Variants in DAGLB observed in about 807,000 individuals in gnomAD.
The protein encoded by DAGLB is diacylglycerol lipase beta.
Under a neutral mutation model 72.1 loss-of-function variants are expected in DAGLB, and 66 were observed. That is an observed-to-expected ratio of 0.92 (90% confidence interval 0.75 to 1.12). DAGLB has a LOEUF of 1.12. Ranked by LOEUF, DAGLB falls within the 50% of genes most tolerant of loss-of-function variation. DAGLB has a pLI of 0.00. For synonymous variants in DAGLB, 414 were observed against 359.5 expected, an observed-to-expected ratio of 1.15 and a Z score of -1.71; for missense variants, 1,065 against 884.9, an observed-to-expected ratio of 1.20 and a Z score of -2.58.
At chr7:6,416,220 C>T (rs568789695) in intron 11 of DAGLB, 1 of 158,918 alleles carries the variant, frequency 6.3e-6, no homozygotes, top group Admixed American at 6.2e-5. Flanking sequence ...AAAGGCTAGA[C>T]AGACTTTCTT....
chr7:6,431,099 C>T (rs1784474686), intron 5 of DAGLB, among the ~76,000 whole-genome samples: 1 of 151,868 alleles, frequency 6.6e-6, no homozygotes, highest in Non-Finnish European at 1.5e-5. Flanking sequence ...TATAGGAACA[C>T]AGCAAGCACG....
Position 6,421,749 on chromosome 7 carries a change from ACCT to A in DAGLB, c.1193_1195del (p.Glu398del). The A allele has an allele frequency of 6.2e-7, 1 of 1,612,924 alleles. No homozygotes were observed. The highest frequency in any genetic ancestry group is 8.5e-7 in the Non-Finnish European group (1 of 1,179,274). On this transcript the variant is annotated inframe_deletion, in exon 9 of 15. Transcript: ENST00000297056. ...TACCTTGTGTGCCAGGCGGTCCTGC[ACCT>A]CACACTCCACGTCCAGCACCTCACT...
chr7:6,409,326 A>C lies in DAGLB; in HGVS notation c.*511T>G. The C allele has an allele frequency of 6.4e-6, 1 of 156,406 alleles. No individual in the cohort carries two copies. The highest frequency in any genetic ancestry group is 1.4e-5 in the Non-Finnish European group (1 of 70,486). The allele number at this position is 156,406 out of a possible 1,614,324, so 9.7% of individuals were successfully genotyped here. On this transcript the variant is annotated 3_prime_UTR_variant, in exon 15 of 15. Coordinates refer to ENST00000297056, the MANE Select transcript of DAGLB (RefSeq NM_139179.4). ...CCGATCGGGTTTCGTCTTCATCCCC[A>C]GCCAGAGCCCAGGGCTGCCCTTGGT... is the stretch of plus-strand genomic sequence containing the variant.
chr7:6,438,661 T>G (rs1472310867), intron 2 of DAGLB, among the ~76,000 whole-genome samples: 1 of 152,124 alleles, frequency 6.6e-6, no homozygotes, highest in Non-Finnish European at 1.5e-5. Context: ...CCAACTGTGA[T>G]GACAACTGCT....
rs573871392 is a variant in DAGLB at position 6,422,426 on chromosome 7, G to A, written c.1141-622C>T. 419 of 179,416 alleles carry A rather than the reference G, an allele frequency of 2.3e-3. 2 individuals carry two copies. The highest frequency in any genetic ancestry group is 9.1e-3 in the African/African-American group (387 of 42,490). 11.1% of individuals were successfully genotyped at this position (179,416 alleles called of 1,614,324 possible). Reference sequence around the variant, plus strand: ...TTGAAAAGGTCCACAGGCGAGTGCTGTGCTGCTGGGCTGGAGGCCCCGGCA... The same window carrying A: ...TTGAAAAGGTCCACAGGCGAGTGCTATGCTGCTGGGCTGGAGGCCCCGGCA... On this transcript the variant is annotated intron_variant, in intron 8 of 14. Transcript: ENST00000297056.
intron 6 of DAGLB, among the ~76,000 whole-genome samples, chr7:6,426,466 C>G (rs576964631): frequency 6.6e-6 from 1 of 152,284 alleles, no homozygotes; most frequent in East Asian, 1.9e-4. Flanking sequence ...GATAGAGTTT[C>G]GCCATGTTGG....
chr7:6,412,628 A>C, intron 13 of DAGLB, 183 bp downstream of exon 13: 1 of 674,268 alleles, frequency 1.5e-6, no homozygotes, highest in Non-Finnish European at 2.6e-6. Flanking sequence ...CACTTGCTGC[A>C]GCCATTTGCT....
At chr7:6,435,813 CT>C (rs1212342986) in intron 3 of DAGLB, among the ~76,000 whole-genome samples, 1 of 152,232 alleles carries the variant, frequency 6.6e-6, no homozygotes, top group Admixed American at 6.5e-5. Context: ...CTGCTGCCCC[CT>C]GGCGGTGTGA....
At chr7:6,428,332 A>AAG (rs1554267342) in intron 6 of DAGLB, among the ~76,000 whole-genome samples, 58 of 150,418 alleles carry the variant, frequency 3.9e-4, no homozygotes, top group African/African-American at 1.1e-3. Flanking sequence ...AAAAAAAAAA[A>AAG]AAAGAAAGAA....
chr7:6,419,073 G>A lies in DAGLB; in HGVS notation c.1219-2152C>T, dbSNP rs532962769. 3.3e-5 allele frequency among the ~76,000 whole-genome samples: 5 copies of A among 149,442 alleles called. No homozygotes were observed. In the East Asian group the frequency reaches 8.0e-4, roughly 24 times the overall value. On this transcript the variant is annotated intron_variant, in intron 9 of 14. Transcript: ENST00000297056. ...TTCAACACTCTGTGTGCATTCAGAT[G>A]GCACTTCCTTTTTTTTTTTTTTTTT...
chr7:6,430,357 G>A lies in DAGLB; in HGVS notation c.929+123C>T, dbSNP rs1408384578. On this transcript the variant is annotated intron_variant, in intron 6 of 14. Coordinates refer to ENST00000297056, the MANE Select transcript of DAGLB (RefSeq NM_139179.4). ...TGTGACCAGATGAGTCACAGCTGGT[G>A]ACTCTAGGTAAAGGATTCATGGGAG... 3 of 1,199,624 alleles carry A rather than the reference G, an allele frequency of 2.5e-6. No homozygotes were observed. The African/African-American group carries it at 4.8e-5, about 19-fold the overall frequency. 74.3% of individuals were successfully genotyped at this position (1,199,624 alleles called of 1,614,324 possible). A position where few individuals can be genotyped will look rare whatever the true frequency, so the allele number is the denominator to read the frequency against.
intron 5 of DAGLB, 99 bp from the exon 6 acceptor site, chr7:6,430,706 C>T (rs529396088): frequency 7.8e-7 from 1 of 1,284,312 alleles, no homozygotes; most frequent in African/African-American, 1.5e-5. Context: ...CCTGACTCTT[C>T]CTGCTCCTTC....
At chr7:6,424,300 C>T (rs940164431) in intron 8 of DAGLB, among the ~76,000 whole-genome samples, 4 of 152,178 alleles carry the variant, frequency 2.6e-5, no homozygotes, top group East Asian at 1.9e-4. Flanking sequence ...ACCTGGAGAA[C>T]GGCAGGCCAC....
At position 6,412,848 on chromosome 7, in the gene DAGLB, C is replaced by G. The variant is rs761734810; in HGVS notation, c.1532G>C (p.Arg511Thr). ...SVTNLEDLKR[R>T]ILRVVAHCNK... ...GCAGTGCGCGACCACTCGCAAGATT[C>G]TTCTCTTCAGATCTTCCAAGTTGGT... Residue 511 changes from arginine (R) to threonine (T), a missense_variant, in exon 13 of 15, where the codon AGA becomes ACA. Transcript: ENST00000297056. The G allele has an allele frequency of 2.5e-6, 4 of 1,603,978 alleles. No homozygotes were observed. The highest frequency in any genetic ancestry group is 2.2e-5 in the East Asian group (1 of 44,786).
In DAGLB at chr7:6,425,988, C is replaced by G; in HGVS notation, c.1056G>C (p.Lys352Asn). Reference protein sequence around the residue: ...RDFIHVSFHDKVYELPFLVAL... With the variant: ...RDFIHVSFHDNVYELPFLVAL... ...GAGCCGCTGTCTGCAGCGTCCACAC[C>G]TTGTCATGGAAGCTGACGTGGATGA... The change falls in exon 7 of 15, where the codon AAG becomes AAC. Residue 352 changes from lysine (K) to asparagine (N), a missense_variant and splice_region_variant. Coordinates refer to ENST00000297056, the MANE Select transcript of DAGLB (RefSeq NM_139179.4). The G allele has an allele frequency of 6.2e-7, 1 of 1,614,060 alleles. No individual in the cohort carries two copies. Among genetic ancestry groups the G allele is most frequent in the Non-Finnish European group, 8.5e-7 (1 of 1,179,944 alleles).
Position 6,436,536 on chromosome 7 carries a change from GA to G in DAGLB, c.248-4del, listed in dbSNP as rs769670479. 6.2e-7 allele frequency: 1 copy of G among 1,612,986 alleles called. No individual in the cohort carries two copies. Among genetic ancestry groups the G allele is most frequent in the Non-Finnish European group, 8.5e-7 (1 of 1,179,800 alleles). ...CGGTCCAGGGTTACAAATCGTTCCT[GA>G]AATACAAAAAACGTTCCGACTGCTC... is the stretch of plus-strand genomic sequence containing the variant. On this transcript the variant is annotated splice_polypyrimidine_tract_variant and splice_region_variant and intron_variant, in intron 2 of 14. Transcript: ENST00000297056.
chr7:6,432,850 G>A lies in DAGLB; in HGVS notation c.788C>T (p.Pro263Leu), dbSNP rs1277220217. Residue 263 changes from proline (P) to leucine (L), a missense_variant, in exon 5 of 15, where the codon CCA becomes CTA. Physicochemically the swap from Pro to Leu is moderately conservative, Grantham distance 98. Coordinates refer to ENST00000297056, the MANE Select transcript of DAGLB (RefSeq NM_139179.4). ...QEPAQVVCHA[P>L]GSSQEADLDA... is the part of the protein sequence containing the mutation. Reference sequence around the variant, plus strand: ...AGCCAGGCTCACCTGGGAGCTCCCTGGGGCATGGCAGACCACCTGGGCAGG... The same window carrying A: ...AGCCAGGCTCACCTGGGAGCTCCCTAGGGCATGGCAGACCACCTGGGCAGG... 6.2e-7 allele frequency: 1 copy of A among 1,613,588 alleles called. No homozygotes were observed. Among genetic ancestry groups the A allele is most frequent in the African/African-American group, 1.3e-5 (1 of 74,920 alleles).
intron 2 of DAGLB, among the ~76,000 whole-genome samples, chr7:6,440,386 CAA>C (rs58281609): frequency 6.8e-4 from 91 of 133,614 alleles, no homozygotes; most frequent in Middle Eastern, 3.7e-3. Context: ...ACTCCGTCTC[CAA>C]AAAAAAAAAA....
At chr7:6,425,965 G>A (rs778105855) in intron 7 of DAGLB, 23 bp downstream of exon 7, 4 of 1,612,736 alleles carry the variant, frequency 2.5e-6, no homozygotes, top group Non-Finnish European at 3.4e-6. Flanking sequence ...GAAGTGAAGA[G>A]CCGCTGTCTG....
Sources: gnomAD v4.1 joint callset for allele counts (sites outside exome capture counted in the v4.1 genomes callset) on GRCh38, gnomAD v4.1.1 for gene constraint, MANE v1.5 for transcripts, NCBI Gene and HGNC (gene_info 2026-07-23, HGNC 2026-07-21) for gene names.